C19orf67: variants seen among roughly 807,000 people sequenced by gnomAD.
The protein encoded by C19orf67 is UPF0575 protein C19orf67.
A neutral mutation model predicts 41.4 loss-of-function variants in C19orf67; 28 were observed. That is an observed-to-expected ratio of 0.68 (90% confidence interval 0.50 to 0.93). The LOEUF (loss-of-function observed/expected upper bound fraction) is 0.93, where lower values mean the gene tolerates loss of function less well. Ranked by LOEUF, C19orf67 falls within the 40% of genes least tolerant of loss-of-function variation. C19orf67 has a pLI of 0.00. For synonymous variants in C19orf67, 242 were observed against 203.4 expected (o/e 1.19, Z -1.62); for missense variants, 421 against 467.0 (o/e 0.90, Z 0.91).
rs1976770127 is a variant in C19orf67 at position 14,081,758 on chromosome 19, CGAGT to C, written c.*72_*75del. On this transcript the variant is annotated 3_prime_UTR_variant, in exon 6 of 6. Transcript: ENST00000548523. Reference sequence around the variant, plus strand: ...GCGAGGCCGGGCTGCACTGCGAGAACGAGTGAGCCCCTCCCCTGCCCCCTATTCT... The same window carrying C: ...GCGAGGCCGGGCTGCACTGCGAGAACGAGCCCCTCCCCTGCCCCCTATTCT... The C allele has an allele frequency of 7.9e-7, 1 of 1,266,564 alleles. No homozygotes were observed. Among genetic ancestry groups the C allele is most frequent in the African/African-American group, 1.6e-5 (1 of 64,474 alleles). The allele number at this position is 1,266,564 out of a possible 1,614,324, so 78.5% of individuals were successfully genotyped here.
Position 14,081,822 on chromosome 19 carries a change from T to G in C19orf67, c.*12A>C. 6.6e-7 allele frequency: 1 copy of G among 1,508,944 alleles called. No individual in the cohort carries two copies. The highest frequency in any genetic ancestry group is 8.8e-7 in the Non-Finnish European group (1 of 1,133,358). 93.5% of individuals were successfully genotyped at this position (1,508,944 alleles called of 1,614,324 possible). On this transcript the variant is annotated 3_prime_UTR_variant, in exon 6 of 6. Transcript: ENST00000548523. Reference sequence around the variant, plus strand: ...AACTGTCAAGTTCCAGCTCCTACCCTCTTCCCCAGGTTCAAGACCCCTGCG... The same window carrying G: ...AACTGTCAAGTTCCAGCTCCTACCCGCTTCCCCAGGTTCAAGACCCCTGCG...
Position 14,083,768 on chromosome 19 carries a change from TGGG to T in C19orf67, c.442_444del (p.Pro148del). 1 of 1,431,472 alleles carries T rather than the reference TGGG, an allele frequency of 7.0e-7. No individual in the cohort carries two copies. Among genetic ancestry groups the T allele is most frequent in the Non-Finnish European group, 9.1e-7 (1 of 1,094,230 alleles). 88.7% of individuals were successfully genotyped at this position (1,431,472 alleles called of 1,614,324 possible). ...ACCAGCTCCTGCAGGGGTCCATAGATGGGGGGTATGCTTCTCGCGGCTGCCTCC... is the reference window on the plus strand; with the variant it reads ...ACCAGCTCCTGCAGGGGTCCATAGATGGGTATGCTTCTCGCGGCTGCCTCC... On this transcript the variant is annotated inframe_deletion, in exon 2 of 6. Coordinates refer to ENST00000548523, the MANE Select transcript of C19orf67 (RefSeq NM_001277378.2).
Position 14,085,386 on chromosome 19 carries a change from C to A in C19orf67, c.242G>T (p.Arg81Leu). Residue 81 changes from arginine to leucine, a missense_variant, in exon 1 of 6, where the codon CGC (arginine) becomes CTC (leucine). Coordinates refer to ENST00000548523, the MANE Select transcript of C19orf67 (RefSeq NM_001277378.2). ...GCTGAACAAAGTGTCCAGGGATAGG[C>A]GGGGAGGTGCTGGCCCAGGCCGGGG... ...LVPRPGPAPP[R>L]LSLDTLFSPI... 1 of 1,536,118 alleles carries A rather than the reference C, an allele frequency of 6.5e-7. No homozygotes were observed. The highest frequency in any genetic ancestry group is 8.7e-7 in the Non-Finnish European group (1 of 1,146,892).
chr19:14,082,953 TCCTG>T (rs1976792405), intron 4 of C19orf67, among the ~76,000 whole-genome samples: 1 of 151,996 alleles, frequency 6.6e-6, no homozygotes, highest in African/African-American at 2.4e-5. Flanking sequence ...CAAGTGCTCC[TCCTG>T]CCTAAGCCTC....
At chr19:14,083,686 G>C (rs118147845) in intron 2 of C19orf67, 47 bp downstream of exon 2, 2 of 1,508,156 alleles carry the variant, frequency 1.3e-6, no homozygotes, top group African/African-American at 1.4e-5. Flanking sequence ...CACAGGCTCA[G>C]AGCTGCGAGA....
rs1020214688 is a variant in C19orf67 at position 14,082,543 on chromosome 19, G to A, written c.828C>T (p.Cys276=). The part of the protein sequence containing the change: ...EDTGQSPANS[C]PQIQKLWSIG... ...TGGACCACAGCTTCTGGATCTGTGG[G>A]CACGAATTGGCTGGACTCTGGCCTG... Residue 276 remains cysteine, a synonymous_variant, in exon 5 of 6, where the codon TGC becomes TGT. Coordinates refer to ENST00000548523, the MANE Select transcript of C19orf67 (RefSeq NM_001277378.2). The A allele has an allele frequency of 5.9e-6, 9 of 1,536,194 alleles. No homozygotes were observed. The highest frequency in any genetic ancestry group is 1.7e-4 in the Middle Eastern group (1 of 6,010).
In C19orf67 at chr19:14,083,446, G is replaced by A. The variant is rs1175532479; in HGVS notation, c.582-24C>T. 2.0e-6 allele frequency: 3 copies of A among 1,530,940 alleles called. No homozygotes were observed. The South Asian group carries it at 3.6e-5, about 18-fold the overall frequency. 94.8% of individuals were successfully genotyped at this position (1,530,940 alleles called of 1,614,324 possible). A position where few individuals can be genotyped will look rare whatever the true frequency, so the allele number is the denominator to read the frequency against. On this transcript the variant is annotated intron_variant, in intron 3 of 5. Coordinates refer to ENST00000548523, the MANE Select transcript of C19orf67 (RefSeq NM_001277378.2). ...TGCTGGCGAGACATGAGAGAATGGA[G>A]GGGTGAGGCTGGGCCTTGGACTCCT...
chr19:14,082,703 G>T, intron 4 of C19orf67, 100 bp from the exon 5 acceptor site: 1 of 1,162,182 alleles, frequency 8.6e-7, no homozygotes, highest in Non-Finnish European at 1.2e-6. Context: ...ATCAGAAGTT[G>T]CCCTGAAGTT....
chr19:14,081,921 C>G lies in C19orf67; in HGVS notation c.990G>C (p.Leu330=). 6.5e-7 allele frequency: 1 copy of G among 1,534,140 alleles called. No homozygotes were observed. The highest frequency in any genetic ancestry group is 1.2e-5 in the South Asian group (1 of 83,966). The change falls in exon 6 of 6, where the codon CTG becomes CTC. Residue 330 remains leucine, a synonymous_variant. Transcript: ENST00000548523. ...CCTGGCCCGTGAGGATCTGCACCAGCAGGTCGGTGGCCAGCGTGGGCGTGG... is the reference window on the plus strand; with the variant it reads ...CCTGGCCCGTGAGGATCTGCACCAGGAGGTCGGTGGCCAGCGTGGGCGTGG... ...EEPTPTLATD[L]LVQILTGQAG...
Position 14,085,379 on chromosome 19 carries a change from G to A in C19orf67, c.249C>T (p.Ser83=), listed in dbSNP as rs1414842721. The A allele has an allele frequency of 2.2e-5, 34 of 1,536,064 alleles. No homozygotes were observed. The highest frequency in any genetic ancestry group is 2.7e-5 in the Non-Finnish European group (31 of 1,146,922). The change falls in exon 1 of 6, where the codon TCC becomes TCT. Residue 83 remains serine (S), a synonymous_variant. Transcript: ENST00000548523. Reference sequence around the variant, plus strand: ...TGATGGGGCTGAACAAAGTGTCCAGGGATAGGCGGGGAGGTGCTGGCCCAG... The same window carrying A: ...TGATGGGGCTGAACAAAGTGTCCAGAGATAGGCGGGGAGGTGCTGGCCCAG... ...PRPGPAPPRL[S]LDTLFSPITQ...
chr19:14,085,412 G>C lies in C19orf67; in HGVS notation c.216C>G (p.Val72=). 6.5e-7 allele frequency: 1 copy of C among 1,536,024 alleles called. No individual in the cohort carries two copies. Residue 72 remains valine (V), a synonymous_variant, in exon 1 of 6, where the codon GTC becomes GTG. Transcript: ENST00000548523. ...RASTSSPKPL[V]PRPGPAPPRL... ...GGGGAGGTGCTGGCCCAGGCCGGGG[G>C]ACCAGAGGTTTGGGGGAAGACGTGG...
Position 14,083,834 on chromosome 19 carries a change from T to G in C19orf67, c.379A>C (p.Thr127Pro). Reference sequence around the variant, plus strand: ...TAGGGCTCACACATCTGTAAGAAGGTGGGCATGGCCTTGGCCAGCTGCTCC... The same window carrying G: ...TAGGGCTCACACATCTGTAAGAAGGGGGGCATGGCCTTGGCCAGCTGCTCC... ...QKEQLAKAMP[T>P]FLQMCEPYFL... is the part of the protein sequence containing the mutation. Residue 127 changes from threonine (T) to proline (P), a missense_variant, in exon 2 of 6, where the codon ACC (threonine) becomes CCC (proline). By Grantham distance (38) the Thr-to-Pro change is conservative (BLOSUM62 -1). This residue lies in a region of C19orf67 where 253 missense variants were observed against 307.0 expected (regional missense o/e 0.82). Coordinates refer to ENST00000548523, the MANE Select transcript of C19orf67 (RefSeq NM_001277378.2). 1 of 1,399,414 alleles carries G rather than the reference T, an allele frequency of 7.1e-7. No homozygotes were observed. The highest frequency in any genetic ancestry group is 9.3e-7 in the Non-Finnish European group (1 of 1,077,186). 86.7% of individuals were successfully genotyped at this position (1,399,414 alleles called of 1,614,324 possible). A position where few individuals can be genotyped will look rare whatever the true frequency, so the allele number is the denominator to read the frequency against.
At chr19:14,082,049 G>A in intron 5 of C19orf67, 41 bp from the exon 6 acceptor site, 5 of 1,427,950 alleles carry the variant, frequency 3.5e-6, no homozygotes, top group Non-Finnish European at 4.6e-6. Flanking sequence ...CTGGACTTGA[G>A]TGCCCCCTGC....
At position 14,085,628 on chromosome 19, in the gene C19orf67, G is replaced by A. The variant is rs1976846081; in HGVS notation, c.-1C>T. 6.5e-7 allele frequency: 1 copy of A among 1,530,100 alleles called. No individual in the cohort carries two copies. The highest frequency in any genetic ancestry group is 8.7e-7 in the Non-Finnish European group (1 of 1,142,894). The allele number at this position is 1,530,100 out of a possible 1,614,324, so 94.8% of individuals were successfully genotyped here. On this transcript the variant is annotated 5_prime_UTR_variant, in exon 1 of 6. Transcript: ENST00000548523. Reference sequence around the variant, plus strand: ...CCTCGAACCACTGCTCTGTAGCCATGGTAGGGCCGGGGGGCGGGAACCTGA... The same window carrying A: ...CCTCGAACCACTGCTCTGTAGCCATAGTAGGGCCGGGGGGCGGGAACCTGA...
Position 14,085,461 on chromosome 19 carries a change from C to A in C19orf67, c.167G>T (p.Gly56Val). ...GGAGGCCCGGGCCTCAGCCAGCCGC[C>A]CCTCGGCATCTTCAGGATCCGGCTC... is the stretch of plus-strand genomic sequence containing the variant. ...PSEPDPEDAE[G>V]RLAEARASTS... The change falls in exon 1 of 6, where the codon GGG becomes GTG. Residue 56 changes from glycine (G) to valine (V), a missense_variant. Physicochemically the swap from Gly to Val is moderately radical, Grantham distance 109. This residue lies in a region of C19orf67 where 160 missense variants were observed against 139.2 expected (regional missense o/e 1.15). Transcript: ENST00000548523. 6 of 1,535,498 alleles carry A rather than the reference C, an allele frequency of 3.9e-6. No homozygotes were observed. The highest frequency in any genetic ancestry group is 1.7e-4 in the Middle Eastern group (1 of 5,986).
chr19:14,083,606 C>CT lies in C19orf67; in HGVS notation c.481-2dup. On this transcript the variant is annotated splice_acceptor_variant, in intron 2 of 5. Coordinates refer to ENST00000548523, the MANE Select transcript of C19orf67 (RefSeq NM_001277378.2). LOFTEE classifies it high-confidence loss of function. ...TCAGCTGTTGGGAGATCTCTAACAG[C>CT]TGCATACAAGAGGGGGGTACAGTGA... 1 of 1,535,996 alleles carries CT rather than the reference C, an allele frequency of 6.5e-7. No individual in the cohort carries two copies. Among genetic ancestry groups the CT allele is most frequent in the Non-Finnish European group, 8.7e-7 (1 of 1,146,808 alleles).
chr19:14,083,323 G>C lies in C19orf67; in HGVS notation c.681C>G (p.Phe227Leu). The change falls in exon 4 of 6, where the codon TTC becomes TTG. Residue 227 changes from phenylalanine (F) to leucine (L), a missense_variant. Physicochemically the swap from Phe to Leu is conservative, Grantham distance 22. Coordinates refer to ENST00000548523, the MANE Select transcript of C19orf67 (RefSeq NM_001277378.2). ...GCATCTTCTTATAGAGGTAGCGGGG[G>C]AAGCGGCTGGCAGTGTAGGCGGTTG... ...CAPTAYTASR[F>L]PRYLYKKMRW... 3 of 1,536,126 alleles carry C rather than the reference G, an allele frequency of 2.0e-6. No individual in the cohort carries two copies. Among genetic ancestry groups the C allele is most frequent in the Non-Finnish European group, 2.6e-6 (3 of 1,146,904 alleles).
rs1976800552 is a variant in C19orf67 at position 14,083,399 on chromosome 19, C to A, written c.605G>T (p.Arg202Met). 2.0e-6 allele frequency: 3 copies of A among 1,531,478 alleles called. No individual in the cohort carries two copies. The highest frequency in any genetic ancestry group is 2.6e-6 in the Non-Finnish European group (3 of 1,143,582). The allele number at this position is 1,531,478 out of a possible 1,614,324, so 94.9% of individuals were successfully genotyped here. Residue 202 changes from arginine (R) to methionine (M), a missense_variant, in exon 4 of 6, where the codon AGG becomes ATG. Arg to Met is a moderately conservative substitution (Grantham distance 91). Transcript: ENST00000548523. ...CTCATGGGACAGGCTGATGGAGAACCTCCCGCAAAAGAAACAGGAGATGCT... is the reference window on the plus strand; with the variant it reads ...CTCATGGGACAGGCTGATGGAGAACATCCCGCAAAAGAAACAGGAGATGCT... ...PLSISCFFCG[R>M]FSISLSHEVS...
chr19:14,082,748 C>T, intron 4 of C19orf67, 145 bp from the exon 5 acceptor site: 2 of 646,372 alleles, frequency 3.1e-6, no homozygotes, highest in South Asian at 5.4e-5. Flanking sequence ...GCCTTTTCTC[C>T]CTGCCAGCCT....
Sources: allele counts gnomAD v4.1 joint callset (sites outside exome capture counted in the v4.1 genomes callset), GRCh38; gene constraint gnomAD v4.1.1; regional missense constraint gnomAD v4.1.1; transcripts MANE v1.5; gene names NCBI Gene and HGNC (gene_info 2026-07-23, HGNC 2026-07-21).